EBF3: variants seen among roughly 807,000 people sequenced by gnomAD.
EBF3 encodes the protein EBF transcription factor 3, also known as transcription factor COE3.
Under a neutral mutation model 77.1 loss-of-function variants are expected in EBF3, and 18 were observed. That is an observed-to-expected ratio of 0.23 (90% CI 0.16 to 0.35). The LOEUF is 0.35. EBF3 is among the 10% of genes least tolerant of loss of function. The pLI is 1.00. For synonymous variants in EBF3, 350 were observed against 343.5 expected (o/e 1.02, Z -0.21); for missense variants, 558 against 860.0 (o/e 0.65, Z 4.39).
chr10:129,963,884 G>C lies in EBF3; in HGVS notation c.-116C>G. The C allele has an allele frequency of 8.4e-7, 1 of 1,183,478 alleles. No homozygotes were observed. Among genetic ancestry groups the C allele is most frequent in the Non-Finnish European group, 1.0e-6 (1 of 956,734 alleles). The allele number at this position is 1,183,478 out of a possible 1,614,324, so 73.3% of individuals were successfully genotyped here. A position where few individuals can be genotyped will look rare whatever the true frequency, so the allele number is the denominator to read the frequency against. ...CGCCCTCGCCCTGCTCGGCGCCTGC[G>C]GTCCGGCCCCGCCGCCGGCTTCAGC... On this transcript the variant is annotated 5_prime_UTR_variant, in exon 1 of 17. Transcript: ENST00000440978. The surrounding 1 kb of genome is among the most constrained non-coding windows in gnomAD (Gnocchi z 7.1).
chr10:129,841,865 A>G lies in EBF3; in HGVS notation c.1372+251T>C, dbSNP rs549017151. ...ACATTGAGGGAAACTTCTAGCAAAT[A>G]CCAGTGACCCGCATGGCATCCATTG... is the stretch of plus-strand genomic sequence containing the variant. On this transcript the variant is annotated intron_variant, in intron 13 of 16. Coordinates refer to ENST00000440978, the MANE Select transcript of EBF3 (RefSeq NM_001375380.1). This position sits in a 1 kb window ranked among gnomAD's most constrained non-coding sequence, Gnocchi z 4.6. Among the ~76,000 whole-genome samples, 3 of 152,242 alleles carry G rather than the reference A, an allele frequency of 2.0e-5. No individual in the cohort carries two copies. The South Asian group carries it at 6.2e-4, about 32-fold the overall frequency.
rs368084061 is a variant in EBF3 at position 129,864,059 on chromosome 10, A to C, written c.1039+3082T>G. ...CCAGAGTGGGCACAATATGGGCTGC[A>C]GATATAGAAGGTGGGCACTTGGACA... On this transcript the variant is annotated intron_variant, in intron 10 of 16. Transcript: ENST00000440978. This position sits in a 1 kb window ranked among gnomAD's most constrained non-coding sequence, Gnocchi z 4.4. 9.3e-4 allele frequency among the ~76,000 whole-genome samples: 142 copies of C among 152,222 alleles called. No individual in the cohort carries two copies. Among genetic ancestry groups the C allele is most frequent in the Middle Eastern group, 3.4e-3 (1 of 294 alleles).
At chr10:129,888,228 C>T (rs1251592576) in intron 6 of EBF3, among the ~76,000 whole-genome samples, 1 of 152,236 alleles carries the variant, frequency 6.6e-6, no homozygotes, top group African/African-American at 2.4e-5. Flanking sequence ...CCTCCGCCTT[C>T]TGGACCTGAA....
Position 129,897,405 on chromosome 10 carries a change from A to G in EBF3, c.555-19556T>C, listed in dbSNP as rs1382550248. ...GAGCCCAGCGGTGCCACCCATCTGG[A>G]AGGCGGTGCTGCAAAACCCTGAGGT... On this transcript the variant is annotated intron_variant, in intron 6 of 16. Transcript: ENST00000440978. This position sits in a 1 kb window ranked among gnomAD's most constrained non-coding sequence, Gnocchi z 4.6. Among the ~76,000 whole-genome samples, 2 of 152,048 alleles carry G rather than the reference A, an allele frequency of 1.3e-5. No individual in the cohort carries two copies. The highest frequency in any genetic ancestry group is 2.9e-5 in the Non-Finnish European group (2 of 68,006).
At chr10:129,950,508 T>C (rs1858595868) in intron 6 of EBF3, among the ~76,000 whole-genome samples, 1 of 152,244 alleles carries the variant, frequency 6.6e-6, no homozygotes, top group Non-Finnish European at 1.5e-5. Flanking sequence ...TTATAGCATT[T>C]ACTCTTTTGA....
chr10:129,844,863 G>A (rs1850343985), intron 11 of EBF3, among the ~76,000 whole-genome samples: 1 of 152,170 alleles, frequency 6.6e-6, no homozygotes, highest in Non-Finnish European at 1.5e-5. Flanking sequence ...CTGTGAGCAA[G>A]ATAAAGTGTT....
intron 11 of EBF3, 80 bp from the exon 12 acceptor site, chr10:129,843,282 C>A: frequency 3.4e-6 from 5 of 1,468,736 alleles, no homozygotes; most frequent in Non-Finnish European, 4.7e-6. Flanking sequence ...GTTCCGTCTG[C>A]GGGTGTGGAG....
chr10:129,884,192 C>G (rs1056188414), intron 6 of EBF3, among the ~76,000 whole-genome samples: 6 of 152,184 alleles, frequency 3.9e-5, no homozygotes, highest in Non-Finnish European at 7.3e-5. Context: ...CACACCCGGC[C>G]ATCAGTCGCT....
chr10:129,948,021 C>T (rs1858358064), intron 6 of EBF3, among the ~76,000 whole-genome samples: 1 of 152,084 alleles, frequency 6.6e-6, no homozygotes, highest in African/African-American at 2.4e-5. Context: ...CTTTGGGAGG[C>T]CGAGGCAGGT....
At chr10:129,913,483 T>C (rs1564882969) in intron 6 of EBF3, among the ~76,000 whole-genome samples, 1 of 152,174 alleles carries the variant, frequency 6.6e-6, no homozygotes, top group South Asian at 2.1e-4. Flanking sequence ...GCTGAAACCA[T>C]ATGTGGGCCT....
At chr10:129,887,230 T>C (rs1853671296) in intron 6 of EBF3, among the ~76,000 whole-genome samples, 1 of 152,234 alleles carries the variant, frequency 6.6e-6, no homozygotes, top group South Asian at 2.1e-4. Context: ...CCTTTCATTT[T>C]CTGTTTTTGT....
intron 10 of EBF3, among the ~76,000 whole-genome samples, chr10:129,855,133 T>C (rs1259333452): frequency 6.6e-6 from 1 of 152,236 alleles, no homozygotes. Flanking sequence ...TGCAGGGTAT[T>C]TCTGTCGAAA....
At chr10:129,882,883 C>T (rs561576606) in intron 6 of EBF3, among the ~76,000 whole-genome samples, 3 of 152,314 alleles carry the variant, frequency 2.0e-5, no homozygotes, top group African/African-American at 7.2e-5. Flanking sequence ...CCTTCCCTGC[C>T]GCTGTTGTTC....
chr10:129,915,362 C>T (rs1234309117), intron 6 of EBF3, among the ~76,000 whole-genome samples: 1 of 152,084 alleles, frequency 6.6e-6, no homozygotes, highest in East Asian at 1.9e-4. Context: ...AGTGAGAAAC[C>T]TCAACTCCCA....
chr10:129,873,574 T>G lies in EBF3; in HGVS notation c.659A>C (p.Asn220Thr), dbSNP rs759116741. 1.3e-6 allele frequency: 2 copies of G among 1,560,132 alleles called. No individual in the cohort carries two copies. Among genetic ancestry groups the G allele is most frequent in the Non-Finnish European group, 1.7e-6 (2 of 1,151,614 alleles). Reference protein sequence around the residue: ...RFQVVVSTTVNVDGHVLAVSD... With the variant: ...RFQVVVSTTVTVDGHVLAVSD... ...CACGGCCAGCACGTGGCCGTCCACG[T>G]TGACTGTTGTCGATACAACAACCTG... is the stretch of plus-strand genomic sequence containing the variant. Residue 220 changes from asparagine (N) to threonine (T), a missense_variant, in exon 8 of 17, where the codon AAC (asparagine) becomes ACC (threonine). Around this residue, in one of 5 missense-constraint regions of EBF3, gnomAD observed 112 missense variants for 207.7 expected, o/e 0.54. Transcript: ENST00000440978.
At chr10:129,878,761 T>C (rs1188061852) in intron 6 of EBF3, among the ~76,000 whole-genome samples, 5 of 127,448 alleles carry the variant, frequency 3.9e-5, no homozygotes, top group East Asian at 2.2e-4. Flanking sequence ...GAGGTGGAGG[T>C]TGCAGTGAGC....
intron 6 of EBF3, among the ~76,000 whole-genome samples, chr10:129,953,598 G>T (rs947197346): frequency 6.6e-6 from 1 of 152,200 alleles, no homozygotes; most frequent in Non-Finnish European, 1.5e-5. Context: ...CGCCGGAGAC[G>T]GTGCCATCTG....
At chr10:129,839,775 C>T (rs554224978) in intron 15 of EBF3, among the ~76,000 whole-genome samples, 3 of 152,336 alleles carry the variant, frequency 2.0e-5, no homozygotes, top group Admixed American at 6.5e-5. Flanking sequence ...CATGGTGCCC[C>T]GCCATTCCCA....
chr10:129,931,125 C>T (rs1261121373), intron 6 of EBF3, among the ~76,000 whole-genome samples: 1 of 152,146 alleles, frequency 6.6e-6, no homozygotes, highest in African/African-American at 2.4e-5. Context: ...ATACCTATAT[C>T]TGTATCTGTC....
Sources: gnomAD v4.1 joint callset for allele counts (sites outside exome capture counted in the v4.1 genomes callset) on GRCh38, gnomAD v4.1.1 for gene constraint, gnomAD v4.1.1 regional missense constraint, Gnocchi (gnomAD v3.1) non-coding constraint, MANE v1.5 for transcripts, NCBI Gene and HGNC (gene_info 2026-07-23, HGNC 2026-07-21) for gene names.